Variants in UIMC1 observed in about 807,000 individuals in gnomAD.
UIMC1 encodes BRCA1-A complex subunit RAP80.
In UIMC1, 42 loss-of-function variants were observed where a neutral mutation model predicts 84.9. The ratio of observed to expected loss-of-function variants is 0.49; its 90% CI spans 0.39 to 0.64. The LOEUF (loss-of-function observed/expected upper bound fraction) is 0.64, where lower values mean the gene tolerates loss of function less well. Ranked by LOEUF, UIMC1 falls within the 30% of genes least tolerant of loss-of-function variation. The probability of loss-of-function intolerance (pLI) is 0.00; values close to 1 mark genes in which losing one functional copy is unlikely to be tolerated. For synonymous variants in UIMC1, 281 were observed against 293.0 expected (o/e 0.96, Z 0.42); for missense variants, 825 against 847.6 (o/e 0.97, Z 0.33).
intron 10 of UIMC1, among the ~76,000 whole-genome samples, chr5:176,917,713 G>A (rs1407859592): frequency 3.9e-5 from 6 of 152,052 alleles, no homozygotes; most frequent in Non-Finnish European, 7.4e-5. Context: ...TAATCCCAGC[G>A]CTTCGGGAGG....
chr5:176,922,244 C>T (rs963438569), intron 10 of UIMC1, among the ~76,000 whole-genome samples: 2 of 152,218 alleles, frequency 1.3e-5, no homozygotes, highest in African/African-American at 4.8e-5. Flanking sequence ...GTACCCTCAG[C>T]TTGCAGAACA....
chr5:176,964,468 A>C (rs1239012285), intron 6 of UIMC1, among the ~76,000 whole-genome samples: 1 of 152,234 alleles, frequency 6.6e-6, no homozygotes, highest in Admixed American at 6.5e-5. Flanking sequence ...CTCATGACTA[A>C]GTACACTGAT....
intron 10 of UIMC1, among the ~76,000 whole-genome samples, chr5:176,942,857 G>C (rs1214350508): frequency 6.6e-6 from 1 of 151,566 alleles, no homozygotes; most frequent in Non-Finnish European, 1.5e-5. Context: ...GAGTTCGAGA[G>C]CAGCCTGGCC....
At chr5:176,976,949 G>A (rs1050632051) in intron 2 of UIMC1, among the ~76,000 whole-genome samples, 1 of 152,136 alleles carries the variant, frequency 6.6e-6, no homozygotes, top group Non-Finnish European at 1.5e-5. Flanking sequence ...TGGGCCAGGC[G>A]CAGTGGCTCA....
intron 12 of UIMC1, 64 bp downstream of exon 12, chr5:176,908,459 G>A: frequency 3.3e-6 from 5 of 1,534,272 alleles, no homozygotes; most frequent in Non-Finnish European, 4.4e-6. Flanking sequence ...GAACAGAACT[G>A]TGGCCTCTTA....
chr5:176,982,746 C>A, intron 1 of UIMC1, 123 bp from the exon 2 acceptor site: 1 of 1,172,240 alleles, frequency 8.5e-7, no homozygotes. Context: ...GTTGCCCAGG[C>A]TGGAGTGCAA....
chr5:176,951,506 C>T lies in UIMC1; in HGVS notation c.1411G>A (p.Asp471Asn). The T allele has an allele frequency of 6.3e-7, 1 of 1,580,456 alleles. No individual in the cohort carries two copies. The highest frequency in any genetic ancestry group is 1.4e-5 in the African/African-American group (1 of 73,530). ...TCTGCCATTATTATTCTGACTCCATCCAAGATATCTCTGCTACCTGGAGAG... is the reference window on the plus strand; with the variant it reads ...TCTGCCATTATTATTCTGACTCCATTCAAGATATCTCTGCTACCTGGAGAG... ...EVSPGSRDIL[D>N]GVRIIMADKE... The change falls in exon 9 of 15, where the codon GAT becomes AAT. Residue 471 changes from aspartate to asparagine, a missense_variant. Asp to Asn is a conservative substitution (Grantham distance 23, BLOSUM62 1). Transcript: ENST00000511320.
intron 14 of UIMC1, 23 bp downstream of exon 14, chr5:176,905,988 A>G: frequency 1.2e-6 from 2 of 1,614,056 alleles, no homozygotes; most frequent in Non-Finnish European, 1.7e-6. Flanking sequence ...GACAGCCACA[A>G]TTCAGTGCAC....
chr5:177,017,819 A>T (rs1306267338), intron 1 of UIMC1, among the ~76,000 whole-genome samples: 1 of 151,524 alleles, frequency 6.6e-6, no homozygotes, highest in Admixed American at 6.6e-5. Context: ...CACCCAGCTA[A>T]TTTTTTTAAT....
At chr5:177,007,554 TG>T (rs1312334034), upstream of UIMC1, among the ~76,000 whole-genome samples, 1 of 152,204 alleles carries the variant, frequency 6.6e-6, no homozygotes, top group African/African-American at 2.4e-5. Context: ...TGTCAACATT[TG>T]CTAGGTCACA....
intron 1 of UIMC1, among the ~76,000 whole-genome samples, chr5:177,011,900 A>C (rs151192800): frequency 1.3e-5 from 2 of 151,700 alleles, no homozygotes; most frequent in African/African-American, 4.8e-5. Flanking sequence ...TCCTGGGTTC[A>C]CACCATTCTC....
chr5:176,970,943 T>C (rs1769112921), intron 3 of UIMC1, 77 bp from the exon 4 acceptor site: 1 of 1,537,260 alleles, frequency 6.5e-7, no homozygotes, highest in Non-Finnish European at 8.7e-7. Context: ...AGAGAATTAT[T>C]AAACTTTTCA....
At chr5:177,008,143 C>T (rs568587020), upstream of UIMC1, among the ~76,000 whole-genome samples, 6 of 150,840 alleles carry the variant, frequency 4.0e-5, no homozygotes, top group East Asian at 1.9e-4. Flanking sequence ...TAAAAATAAA[C>T]GTAAGAAAAT....
chr5:177,005,037 G>A (rs1455974402), intron 1 of UIMC1, among the ~76,000 whole-genome samples: 2 of 152,122 alleles, frequency 1.3e-5, no homozygotes, highest in African/African-American at 4.8e-5. Context: ...GGGAACCACA[G>A]GCACGCGCCA....
At chr5:176,999,908 T>C (rs1251751326) in intron 1 of UIMC1, among the ~76,000 whole-genome samples, 3 of 152,242 alleles carry the variant, frequency 2.0e-5, no homozygotes, top group African/African-American at 7.2e-5. Context: ...TTCTTTTGGA[T>C]ACATACCCAG....
At chr5:176,917,655 G>A (rs999467467) in intron 10 of UIMC1, among the ~76,000 whole-genome samples, 4 of 152,052 alleles carry the variant, frequency 2.6e-5, no homozygotes, top group Admixed American at 2.0e-4. Flanking sequence ...ATCTTAATTA[G>A]AATTAAATAT....
intron 10 of UIMC1, among the ~76,000 whole-genome samples, chr5:176,918,584 T>G (rs1432863155): frequency 6.6e-6 from 1 of 152,180 alleles, no homozygotes; most frequent in Non-Finnish European, 1.5e-5. Flanking sequence ...AATGATGAGC[T>G]CAATTTCAGG....
intron 10 of UIMC1, among the ~76,000 whole-genome samples, chr5:176,918,272 G>C (rs1761268175): frequency 6.6e-6 from 1 of 152,198 alleles, no homozygotes; most frequent in African/African-American, 2.4e-5. Context: ...ACCATATGAA[G>C]TTGCAGTTTT....
At chr5:176,922,517 T>C (rs963530890) in intron 10 of UIMC1, among the ~76,000 whole-genome samples, 1 of 152,248 alleles carries the variant, frequency 6.6e-6, no homozygotes. Context: ...GTCTCTCTGC[T>C]TTTAGTCTCC....
Sources: allele counts gnomAD v4.1 joint callset (sites outside exome capture counted in the v4.1 genomes callset), GRCh38; gene constraint gnomAD v4.1.1; transcripts MANE v1.5; gene names NCBI Gene and HGNC (gene_info 2026-07-23, HGNC 2026-07-21).